The following HYCC2 variants were observed in gnomAD, a reference collection of about 807,000 sequenced individuals.
HYCC2 encodes the protein hyccin 2.
the HYCC2 span, among the ~76,000 whole-genome samples, chr2:201,039,640 C>A: frequency 6.6e-6 from 1 of 152,130 alleles, no homozygotes; most frequent in African/African-American, 2.4e-5. Context: ...CAGTGATATA[C>A]AGCAGATATT....
chr2:200,995,590 T>A, the HYCC2 span, among the ~76,000 whole-genome samples: 4 of 152,148 alleles, frequency 2.6e-5, no homozygotes, highest in African/African-American at 9.7e-5. Flanking sequence ...GAGGCCAATA[T>A]GACAAGGAGC....
At chr2:200,992,173 T>C in the HYCC2 span, 2 of 732,580 alleles carry the variant, frequency 2.7e-6, no homozygotes, top group Admixed American at 2.4e-5. Flanking sequence ...CCAACTGTTA[T>C]CATGGAATAC....
the HYCC2 span, chr2:200,992,405 T>C: frequency 7.6e-7 from 1 of 1,320,928 alleles, no homozygotes; most frequent in Non-Finnish European, 1.1e-6. Context: ...CTTGAGCAAA[T>C]ATCTAATCTT....
At chr2:201,035,647 A>AC in the HYCC2 span, among the ~76,000 whole-genome samples, 3 of 152,202 alleles carry the variant, frequency 2.0e-5, no homozygotes, top group South Asian at 6.2e-4. Flanking sequence ...GCTGGTGAGG[A>AC]GCTGCGTTCC....
chr2:201,069,095 A>G, the HYCC2 span, among the ~76,000 whole-genome samples: 23 of 152,332 alleles, frequency 1.5e-4, no homozygotes, highest in African/African-American at 4.6e-4. Context: ...GTTTTTCACT[A>G]TGTAGCATTG....
the HYCC2 span, among the ~76,000 whole-genome samples, chr2:201,045,137 G>C: frequency 6.6e-6 from 1 of 152,244 alleles, no homozygotes; most frequent in African/African-American, 2.4e-5. Context: ...GACTAAAATA[G>C]GAAGCTACTT....
the HYCC2 span, among the ~76,000 whole-genome samples, chr2:201,047,690 T>TA: frequency 6.8e-6 from 1 of 146,172 alleles, no homozygotes. Context: ...AAAAAAATCA[T>TA]AAAAAAGCAG....
the HYCC2 span, among the ~76,000 whole-genome samples, chr2:201,058,734 A>T: frequency 6.6e-6 from 1 of 152,208 alleles, no homozygotes; most frequent in Non-Finnish European, 1.5e-5. Flanking sequence ...AGAAATTTTC[A>T]TATCGAATTA....
the HYCC2 span, among the ~76,000 whole-genome samples, chr2:201,025,381 T>C: frequency 6.6e-6 from 1 of 151,836 alleles, no homozygotes; most frequent in Non-Finnish European, 1.5e-5. Flanking sequence ...ACACCCACTT[T>C]AATGAACCAC....
the HYCC2 span, among the ~76,000 whole-genome samples, chr2:201,016,231 T>C: frequency 1.3e-5 from 2 of 152,214 alleles, no homozygotes; most frequent in African/African-American, 2.4e-5. Flanking sequence ...GCATTATCAA[T>C]ATCTACCCCT....
At chr2:200,989,328 G>A in the HYCC2 span, among the ~76,000 whole-genome samples, 26 of 152,196 alleles carry the variant, frequency 1.7e-4, no homozygotes, top group Non-Finnish European at 1.0e-4. Flanking sequence ...TTAATTTAAA[G>A]AGATTCATAA....
the HYCC2 span, chr2:200,974,106 A>G: frequency 2.6e-5 from 4 of 152,006 alleles, no homozygotes; most frequent in Admixed American, 6.5e-5. Flanking sequence ...GACATCACTC[A>G]ATACAAGTCA....
chr2:201,009,102 G>A, the HYCC2 span: 9 of 1,466,898 alleles, frequency 6.1e-6, no homozygotes, highest in Non-Finnish European at 8.6e-6. Flanking sequence ...CAAAAATAAG[G>A]TACAGTATGA....
chr2:201,005,777 AAGAG>A, the HYCC2 span, among the ~76,000 whole-genome samples: 1 of 152,118 alleles, frequency 6.6e-6, no homozygotes, highest in Non-Finnish European at 1.5e-5. Context: ...AGTACAAATG[AAGAG>A]AGAGAGAAAT....
the HYCC2 span, among the ~76,000 whole-genome samples, chr2:201,066,277 T>A: frequency 6.6e-6 from 1 of 152,204 alleles, no homozygotes; most frequent in African/African-American, 2.4e-5. Flanking sequence ...TTTCACCATG[T>A]TGGCCAGGCT....
At chr2:201,026,366 G>A in the HYCC2 span, among the ~76,000 whole-genome samples, 1 of 152,100 alleles carries the variant, frequency 6.6e-6, no homozygotes, top group Non-Finnish European at 1.5e-5. Context: ...GTAATAATGG[G>A]AGACTTTAAT....
At chr2:201,011,449 G>C in the HYCC2 span, 1 of 1,577,468 alleles carries the variant, frequency 6.3e-7, no homozygotes, top group Non-Finnish European at 8.6e-7. Flanking sequence ...GAACTTTATT[G>C]TTCCCATCTT....
At chr2:201,005,864 ACT>A in the HYCC2 span, among the ~76,000 whole-genome samples, 1 of 151,826 alleles carries the variant, frequency 6.6e-6, no homozygotes, top group African/African-American at 2.4e-5. Flanking sequence ...ACGGAGTTTC[ACT>A]CTGTCGCCAA....
At chr2:201,038,398 T>C in the HYCC2 span, among the ~76,000 whole-genome samples, 1 of 152,290 alleles carries the variant, frequency 6.6e-6, no homozygotes, top group East Asian at 1.9e-4. Context: ...GCTGGGTATA[T>C]ACCCAAAGGA....
Sources: gnomAD v4.1 joint callset for allele counts (sites outside exome capture counted in the v4.1 genomes callset) on GRCh38, gnomAD v4.1.1 for gene constraint, MANE v1.5 for transcripts, NCBI Gene and HGNC (gene_info 2026-07-23, HGNC 2026-07-21) for gene names.